GSS: variants seen among roughly 807,000 people sequenced by gnomAD.
The protein encoded by GSS is glutathione synthetase.
In GSS, 34 loss-of-function variants were observed where a neutral mutation model predicts 60.4. That is an observed-to-expected ratio of 0.56 (90% confidence interval 0.43 to 0.75). The LOEUF is 0.75. Among genes scored for constraint, GSS ranks in the 30% least tolerant of loss-of-function variants. GSS has a pLI of 0.00. For missense variants in GSS, 499 were observed against 595.1 expected (o/e 0.84, Z 1.68); for synonymous variants, 224 against 239.0 (o/e 0.94, Z 0.58).
chr20:34,937,046 C>A, intron 6 of GSS, 23 bp from the exon 7 acceptor site: 1 of 1,564,444 alleles, frequency 6.4e-7, no homozygotes, highest in South Asian at 1.1e-5. Flanking sequence ...CACAGGTGGC[C>A]CGAGGCTACT....
At chr20:34,938,287 T>C (rs913510458) in intron 6 of GSS, among the ~76,000 whole-genome samples, 6 of 152,210 alleles carry the variant, frequency 3.9e-5, no homozygotes, top group Admixed American at 2.0e-4. Flanking sequence ...TAGCCTCTCT[T>C]GTCTATCTCT....
chr20:34,942,179 A>G (rs1047056870), intron 5 of GSS, among the ~76,000 whole-genome samples: 2 of 152,088 alleles, frequency 1.3e-5, no homozygotes, highest in Non-Finnish European at 2.9e-5. Context: ...CTGGCTAGAA[A>G]TGGATGCTAC....
At chr20:34,950,756 G>A (rs952860088) in intron 2 of GSS, among the ~76,000 whole-genome samples, 3 of 152,078 alleles carry the variant, frequency 2.0e-5, no homozygotes, top group South Asian at 2.1e-4. Context: ...GCAACAGAGC[G>A]AGGCCCCAAG....
chr20:34,928,920 C>A lies in GSS; in HGVS notation c.1333G>T (p.Val445Leu), dbSNP rs774904754. The A allele has an allele frequency of 1.9e-6, 3 of 1,613,602 alleles. No homozygotes were observed. Among genetic ancestry groups the A allele is most frequent in the Admixed American group, 3.3e-5 (2 of 60,004 alleles). The change falls in exon 13 of 13, where the codon GTG (valine) becomes TTG (leucine). Residue 445 changes from valine to leucine, a missense_variant. Physicochemically the swap from Val to Leu is conservative, Grantham distance 32. Transcript: ENST00000651619. Reference sequence around the variant, plus strand: ...GCTTTGGTTCGAAGTAGATGCCCCACGTGCTTGTTCATCACGAGTGTCTTT... The same window carrying A: ...GCTTTGGTTCGAAGTAGATGCCCCAAGTGCTTGTTCATCACGAGTGTCTTT... ...QEKTLVMNKH[V>L]GHLLRTKAIE...
intron 2 of GSS, among the ~76,000 whole-genome samples, chr20:34,947,386 C>A (rs1456590691): frequency 2.0e-5 from 3 of 151,918 alleles, no homozygotes; most frequent in South Asian, 4.1e-4. Context: ...CCATGCCCAG[C>A]CAAAATATTA....
chr20:34,933,047 T>C (rs1175217151), intron 9 of GSS, among the ~76,000 whole-genome samples: 1 of 152,136 alleles, frequency 6.6e-6, no homozygotes, highest in African/African-American at 2.4e-5. Flanking sequence ...GGTTTTGCCA[T>C]GTTGCCCAGG....
intron 1 of GSS, among the ~76,000 whole-genome samples, chr20:34,953,701 C>T (rs937754028): frequency 1.3e-5 from 2 of 151,546 alleles, no homozygotes; most frequent in Admixed American, 6.6e-5. Context: ...CTGCAAGCTC[C>T]GCCTCCTGGG....
chr20:34,942,612 G>A lies in GSS; in HGVS notation c.367C>T (p.Leu123=), dbSNP rs1489011741. The A allele has an allele frequency of 1.2e-6, 2 of 1,614,008 alleles. No individual in the cohort carries two copies. Among genetic ancestry groups the A allele is most frequent in the African/African-American group, 1.3e-5 (1 of 74,920 alleles). Residue 123 remains leucine, a synonymous_variant, in exon 5 of 13, where the codon CTG becomes TTG. Coordinates refer to ENST00000651619, the MANE Select transcript of GSS (RefSeq NM_000178.4). ...TGGAACATGTAGTCTGAGCGATTCA[G>A]GCCCAGGAACACAGTCTGTGGGGAA... The part of the protein sequence containing the change: ...EGIAQTVFLG[L]NRSDYMFQRS...
At chr20:34,940,645 A>G (rs138132346) in intron 6 of GSS, among the ~76,000 whole-genome samples, 47 of 152,340 alleles carry the variant, frequency 3.1e-4, no homozygotes, top group African/African-American at 7.7e-4. Context: ...TGAGAATTCA[A>G]TGAGATCCTG....
chr20:34,929,724 G>A, intron 11 of GSS, 134 bp from the exon 12 acceptor site: 4 of 797,738 alleles, frequency 5.0e-6, no homozygotes, highest in Non-Finnish European at 8.9e-6. Flanking sequence ...GGGCATATCT[G>A]GCTTCTCAGG....
At position 34,951,733 on chromosome 20, in the gene GSS, A is replaced by G; in HGVS notation, c.120T>C (p.Thr40=). Residue 40 remains threonine, a synonymous_variant, in exon 2 of 13, where the codon ACT becomes ACC. Transcript: ENST00000651619. ...GVLLRTSQEP[T]SSEVVSYAPF... is the part of the protein sequence containing the mutation. ...GGAGCTAGGGGCTTACCTCCGAGGA[A>G]GTGGGCTCCTGTGAGGTCCTCAGCA... 6.2e-7 allele frequency: 1 copy of G among 1,608,878 alleles called. No homozygotes were observed. The highest frequency in any genetic ancestry group is 8.5e-7 in the Non-Finnish European group (1 of 1,177,248).
chr20:34,945,857 C>T, intron 3 of GSS, 96 bp downstream of exon 3: 1 of 1,340,812 alleles, frequency 7.5e-7, no homozygotes, highest in Non-Finnish European at 1.1e-6. Context: ...TCTATCCCAC[C>T]AAGTCAGCTG....
chr20:34,939,112 C>G (rs770643007), intron 6 of GSS, among the ~76,000 whole-genome samples: 1 of 152,114 alleles, frequency 6.6e-6, no homozygotes, highest in Non-Finnish European at 1.5e-5. Context: ...TGGTGGTGGG[C>G]ACCTGTAATC....
At chr20:34,939,882 C>G (rs970474314) in intron 6 of GSS, among the ~76,000 whole-genome samples, 4 of 152,002 alleles carry the variant, frequency 2.6e-5, no homozygotes, top group South Asian at 2.1e-4. Flanking sequence ...GTTGGCCAGG[C>G]TGGCCTTGAA....
Position 34,928,555 on chromosome 20 carries a change from TGAG to T in GSS, c.*270_*272del. On this transcript the variant is annotated 3_prime_UTR_variant, in exon 13 of 13. Coordinates refer to ENST00000651619, the MANE Select transcript of GSS (RefSeq NM_000178.4). Reference sequence around the variant, plus strand: ...CACTGGAACCTGCTGAAAAGGCTGATGAGGGGCTGACAGGAGTGGGGCAGGGTT... The same window carrying T: ...CACTGGAACCTGCTGAAAAGGCTGATGGGCTGACAGGAGTGGGGCAGGGTT... 1.9e-6 allele frequency: 1 copy of T among 533,242 alleles called. No homozygotes were observed. Among genetic ancestry groups the T allele is most frequent in the Non-Finnish European group, 3.4e-6 (1 of 294,876 alleles). The allele number at this position is 533,242 out of a possible 1,614,324, so 33.0% of individuals were successfully genotyped here. A position where few individuals can be genotyped will look rare whatever the true frequency, so the allele number is the denominator to read the frequency against.
At chr20:34,941,515 A>T (rs189871610) in intron 6 of GSS, among the ~76,000 whole-genome samples, 198 bp downstream of exon 6, 46 of 152,354 alleles carry the variant, frequency 3.0e-4, no homozygotes, top group African/African-American at 8.7e-4. Context: ...TCCACTCAAT[A>T]AGAAAAAGTT....
At chr20:34,947,669 C>T (rs991533461) in intron 2 of GSS, among the ~76,000 whole-genome samples, 1 of 151,860 alleles carries the variant, frequency 6.6e-6, no homozygotes, top group African/African-American at 2.4e-5. Context: ...TTAAATATTT[C>T]CTTATATGTT....
chr20:34,943,340 T>C (rs1328721836), intron 3 of GSS, among the ~76,000 whole-genome samples: 1 of 152,200 alleles, frequency 6.6e-6, no homozygotes, highest in Non-Finnish European at 1.5e-5. Context: ...GAATTGAACA[T>C]ACTGCACCGA....
rs1421593466 is a variant in GSS at position 34,931,353 on chromosome 20, G to A, written c.1094C>T (p.Pro365Leu). The stretch of plus-strand genomic sequence containing the variant: ...CCACCTACCTCCACCCTCTCTCTGG[G>A]GCTTTAGCACAAACCGGCTAGGGGC... ...LAAPSRFVLK[P>L]QREGGGNNLY... is the part of the protein sequence containing the mutation. The change falls in exon 11 of 13, where the codon CCC becomes CTC. Residue 365 changes from proline to leucine, a missense_variant. Transcript: ENST00000651619. 6.2e-7 allele frequency: 1 copy of A among 1,613,920 alleles called. No individual in the cohort carries two copies. Among genetic ancestry groups the A allele is most frequent in the African/African-American group, 1.3e-5 (1 of 74,928 alleles).
Sources: allele counts gnomAD v4.1 joint callset (sites outside exome capture counted in the v4.1 genomes callset), GRCh38; gene constraint gnomAD v4.1.1; transcripts MANE v1.5; gene names NCBI Gene and HGNC (gene_info 2026-07-23, HGNC 2026-07-21).